ALPL: variants seen among roughly 807,000 people sequenced by gnomAD.
The protein encoded by ALPL is alkaline phosphatase, biomineralization associated, also known as alkaline phosphatase, tissue-nonspecific isozyme.
In ALPL, 42 loss-of-function variants were observed where a neutral mutation model predicts 51.3. That is an observed-to-expected ratio of 0.82 (90% CI 0.64 to 1.06). The LOEUF (loss-of-function observed/expected upper bound fraction) is 1.06, where lower values mean the gene tolerates loss of function less well. Among genes scored for constraint, ALPL ranks in the 50% least tolerant of loss-of-function variants. The probability of loss-of-function intolerance (pLI) is 0.00; values close to 1 mark genes in which losing one functional copy is unlikely to be tolerated. For missense variants in ALPL, 589 were observed against 709.4 expected, an observed-to-expected ratio of 0.83 and a Z score of 1.93; for synonymous variants, 279 against 296.4, an observed-to-expected ratio of 0.94 and a Z score of 0.60.
At position 21,576,551 on chromosome 1, in the gene ALPL, A is replaced by G. The variant is rs1391542444; in HGVS notation, c.1219A>G (p.Lys407Glu). 6.2e-7 allele frequency: 1 copy of G among 1,613,976 alleles called. No homozygotes were observed. Among genetic ancestry groups the G allele is most frequent in the African/African-American group, 1.3e-5 (1 of 75,008 alleles). ...GGCCCCCATGCTGAGTGACACAGACAAGAAGCCCTTCACTGCCATCCTGTA... is the reference window on the plus strand; with the variant it reads ...GGCCCCCATGCTGAGTGACACAGACGAGAAGCCCTTCACTGCCATCCTGTA... The part of the protein sequence containing the change: ...GLAPMLSDTD[K>E]KPFTAILYGN... Residue 407 changes from lysine to glutamate, a missense_variant, in exon 11 of 12, where the codon AAG (lysine) becomes GAG (glutamate). Coordinates refer to ENST00000374840, the MANE Select transcript of ALPL (RefSeq NM_000478.6).
intron 1 of ALPL, among the ~76,000 whole-genome samples, chr1:21,519,456 C>T (rs541466210): frequency 3.3e-5 from 5 of 152,366 alleles, no homozygotes; most frequent in Middle Eastern, 3.4e-3. Context: ...TCCACGTTTA[C>T]ACATGCGCAG....
At chr1:21,538,489 G>A (rs528572500) in intron 1 of ALPL, among the ~76,000 whole-genome samples, 6 of 152,308 alleles carry the variant, frequency 3.9e-5, no homozygotes, top group South Asian at 2.1e-4. Context: ...CTCTGCGCCC[G>A]CCACCCAGGG....
chr1:21,523,361 A>G (rs1194146235), intron 1 of ALPL, among the ~76,000 whole-genome samples: 1 of 152,198 alleles, frequency 6.6e-6, no homozygotes, highest in East Asian at 1.9e-4. Context: ...TGGCTAGTAA[A>G]TGATAGCTCT....
chr1:21,521,008 T>C (rs1643877845), intron 1 of ALPL, among the ~76,000 whole-genome samples: 1 of 152,240 alleles, frequency 6.6e-6, no homozygotes, highest in African/African-American at 2.4e-5. Context: ...CTGTTTGTGT[T>C]GCCAGTTGGC....
At chr1:21,512,181 C>T (rs1643701737) in intron 1 of ALPL, among the ~76,000 whole-genome samples, 1 of 152,164 alleles carries the variant, frequency 6.6e-6, no homozygotes, top group Non-Finnish European at 1.5e-5. Flanking sequence ...TCGTCCTTGG[C>T]AGGCTGGAGC....
At chr1:21,515,166 C>G (rs570828586) in intron 1 of ALPL, among the ~76,000 whole-genome samples, 3 of 152,248 alleles carry the variant, frequency 2.0e-5, no homozygotes, top group Admixed American at 1.3e-4. Context: ...CAGAGCTCAG[C>G]AAATATTTTA....
chr1:21,548,503 T>A (rs1697414), intron 1 of ALPL, among the ~76,000 whole-genome samples: 142,408 of 152,292 alleles, frequency 0.94, 66,708 homozygotes, highest in East Asian at 1. Flanking sequence ...GGGTAAGATG[T>A]TGGTCTTTAC....
At chr1:21,518,688 T>C (rs561638221) in intron 1 of ALPL, among the ~76,000 whole-genome samples, 175 of 152,310 alleles carry the variant, frequency 1.1e-3, no homozygotes, top group African/African-American at 4.1e-3. Flanking sequence ...CTTTAAATTG[T>C]AACTGTACCA....
chr1:21,563,945 G>A (rs1644524690), intron 5 of ALPL, 96 bp from the exon 6 acceptor site: 1 of 1,489,242 alleles, frequency 6.7e-7, no homozygotes, highest in South Asian at 1.2e-5. Flanking sequence ...ACTGAAGCGG[G>A]GGCCTGTCTT....
intron 1 of ALPL, among the ~76,000 whole-genome samples, chr1:21,546,673 C>T (rs759943924): frequency 5.9e-5 from 9 of 152,226 alleles, no homozygotes; most frequent in Non-Finnish European, 1.2e-4. Flanking sequence ...ACTAAAGCCT[C>T]CGTAGGCTGC....
intron 5 of ALPL, among the ~76,000 whole-genome samples, chr1:21,563,664 C>T (rs1644518985): frequency 6.6e-6 from 1 of 152,190 alleles, no homozygotes; most frequent in African/African-American, 2.4e-5. Context: ...GCCTGTGCCC[C>T]CAGAAGCTTT....
chr1:21,560,409 G>C (rs575414073), intron 2 of ALPL, among the ~76,000 whole-genome samples: 1 of 152,336 alleles, frequency 6.6e-6, no homozygotes, highest in Non-Finnish European at 1.5e-5. Flanking sequence ...TTCATTCTGA[G>C]ATGTGAGGAG....
chr1:21,574,271 T>G, intron 9 of ALPL: 1 of 942,296 alleles, frequency 1.1e-6, no homozygotes, highest in Non-Finnish European at 1.3e-6. Flanking sequence ...CCTGTGCACT[T>G]CTGTTATGTG....
intron 1 of ALPL, among the ~76,000 whole-genome samples, chr1:21,548,714 C>T (rs1432865294): frequency 6.6e-6 from 1 of 152,124 alleles, no homozygotes; most frequent in Non-Finnish European, 1.5e-5. Context: ...CAAATAAGCT[C>T]TCAGTTCTTG....
chr1:21,536,531 C>A (rs536101405), intron 1 of ALPL, among the ~76,000 whole-genome samples: 1 of 152,296 alleles, frequency 6.6e-6, no homozygotes, highest in South Asian at 2.1e-4. Flanking sequence ...GTGATGCTAT[C>A]AAAGACTCAA....
intron 8 of ALPL, among the ~76,000 whole-genome samples, chr1:21,571,140 C>T (rs766423731): frequency 1.3e-5 from 2 of 152,192 alleles, no homozygotes; most frequent in African/African-American, 2.4e-5. Context: ...GCTCATGGAT[C>T]TTAGAGCCAG....
At chr1:21,517,204 GA>G (rs1643817247) in intron 1 of ALPL, among the ~76,000 whole-genome samples, 1 of 152,226 alleles carries the variant, frequency 6.6e-6, no homozygotes, top group African/African-American at 2.4e-5. Context: ...GTAAGTTGGG[GA>G]CAGTCTGTAA....
At chr1:21,511,487 C>T (rs1295871467) in intron 1 of ALPL, among the ~76,000 whole-genome samples, 5 of 152,228 alleles carry the variant, frequency 3.3e-5, no homozygotes, top group East Asian at 3.8e-4. Context: ...CCTCAGCTCT[C>T]TTCTCAGCAG....
Position 21,577,368 on chromosome 1 carries a change from TC to T in ALPL, c.1310-11del, listed in dbSNP as rs1350034401. Reference sequence around the variant, plus strand: ...CCCTGGCAGGCTCTCAGCAGGTGTTTCCCCTGGCCCACAGCTCACAACAACT... The same window carrying T: ...CCCTGGCAGGCTCTCAGCAGGTGTTTCCCTGGCCCACAGCTCACAACAACT... On this transcript the variant is annotated splice_polypyrimidine_tract_variant and intron_variant, in intron 11 of 11. Transcript: ENST00000374840. The T allele has an allele frequency of 1.9e-6, 3 of 1,613,050 alleles. No homozygotes were observed. In the African/African-American group the frequency reaches 4.0e-5, roughly 22 times the overall value.
Sources: allele counts gnomAD v4.1 joint callset (sites outside exome capture counted in the v4.1 genomes callset), GRCh38; gene constraint gnomAD v4.1.1; transcripts MANE v1.5; gene names NCBI Gene and HGNC (gene_info 2026-07-23, HGNC 2026-07-21).